VPS54: variants seen among roughly 807,000 people sequenced by gnomAD.
VPS54 encodes the protein vacuolar protein sorting-associated protein 54.
In VPS54, 45 loss-of-function variants were observed where a neutral mutation model predicts 121.5. That is an observed-to-expected ratio of 0.37 (90% confidence interval 0.29 to 0.47). VPS54 has a LOEUF of 0.47. VPS54 is among the 20% of genes least tolerant of loss of function. The pLI is 0.99. For missense variants in VPS54, 1,090 were observed against 1,131.4 expected (o/e 0.96, Z 0.52); for synonymous variants, 371 against 385.8 (o/e 0.96, Z 0.45).
At chr2:63,910,710 GTTAA>G (rs1472502293) in intron 20 of VPS54, among the ~76,000 whole-genome samples, 3 of 152,092 alleles carry the variant, frequency 2.0e-5, no homozygotes, top group East Asian at 3.8e-4. Flanking sequence ...TACATGGGAA[GTTAA>G]TTAAACAATT....
chr2:64,014,868 T>C (rs1333275659), intron 1 of VPS54, among the ~76,000 whole-genome samples: 2 of 152,220 alleles, frequency 1.3e-5, no homozygotes, highest in Non-Finnish European at 1.5e-5. Context: ...GGATGATAAA[T>C]AGCAAAAGTG....
intron 12 of VPS54, among the ~76,000 whole-genome samples, chr2:63,925,009 T>C (rs1216667386): frequency 6.6e-6 from 1 of 152,188 alleles, no homozygotes; most frequent in Non-Finnish European, 1.5e-5. Flanking sequence ...GAGAAAGATT[T>C]CTTAAACAGG....
intron 6 of VPS54, among the ~76,000 whole-genome samples, chr2:63,963,808 G>C (rs1394908892): frequency 6.6e-6 from 1 of 152,092 alleles, no homozygotes; most frequent in Non-Finnish European, 1.5e-5. Flanking sequence ...TCCCAGAATA[G>C]TAAATGGAGA....
At chr2:63,981,915 T>G (rs1676818432) in intron 2 of VPS54, 28 bp from the exon 3 acceptor site, 4 of 1,586,546 alleles carry the variant, frequency 2.5e-6, no homozygotes, top group Non-Finnish European at 3.4e-6. Flanking sequence ...GAGAACTCTG[T>G]AAATGCTGTA....
intron 1 of VPS54, among the ~76,000 whole-genome samples, chr2:64,005,227 C>T (rs1327914681): frequency 1.3e-5 from 2 of 149,444 alleles, no homozygotes; most frequent in East Asian, 2.0e-4. Flanking sequence ...CCTCAGCCTC[C>T]CGAGTAGCTG....
intron 7 of VPS54, among the ~76,000 whole-genome samples, chr2:63,953,052 C>G (rs1462245022): frequency 6.7e-6 from 1 of 148,602 alleles, no homozygotes; most frequent in Non-Finnish European, 1.5e-5. Flanking sequence ...AGCTATAGAG[C>G]AGTTTTTTTT....
intron 10 of VPS54, 113 bp from the exon 11 acceptor site, chr2:63,942,674 C>T: frequency 3.7e-6 from 3 of 809,184 alleles, no homozygotes; most frequent in Non-Finnish European, 5.7e-6. Flanking sequence ...AATGCAATTT[C>T]ATCTAGATAC....
rs150473633 is a variant in VPS54, at chr2:63,935,098, T to A, written c.1399-1085A>T. Among the ~76,000 whole-genome samples the A allele has an allele frequency of 2.5e-3, 380 of 152,280 alleles. 2 individuals carry two copies. The highest frequency in any genetic ancestry group is 9.0e-3 in the African/African-American group (375 of 41,572). ...AATCTGAGCTTAATTATTAGTAAGGTACATAGAAGAGAGAATTGCAAAGAA... is the reference window on the plus strand; with the variant it reads ...AATCTGAGCTTAATTATTAGTAAGGAACATAGAAGAGAGAATTGCAAAGAA... On this transcript the variant is annotated intron_variant, in intron 11 of 22. Transcript: ENST00000272322.
chr2:63,944,193 A>G (rs1369810052), intron 10 of VPS54, among the ~76,000 whole-genome samples: 1 of 152,020 alleles, frequency 6.6e-6, no homozygotes, highest in African/African-American at 2.4e-5. Context: ...AATTATCTCC[A>G]ATTTCACCTC....
intron 20 of VPS54, among the ~76,000 whole-genome samples, chr2:63,908,412 G>C (rs867292761): frequency 1.6e-4 from 25 of 152,208 alleles, no homozygotes; most frequent in African/African-American, 6.0e-4. Context: ...GCTGAGTATG[G>C]GGAGTGAACT....
chr2:63,924,075 G>A (rs549821574), intron 12 of VPS54, among the ~76,000 whole-genome samples: 1 of 152,310 alleles, frequency 6.6e-6, no homozygotes, highest in South Asian at 2.1e-4. Context: ...TGCAATTGGG[G>A]AAAGCCAGAG....
intron 4 of VPS54, among the ~76,000 whole-genome samples, chr2:63,970,718 C>CT (rs1276599091): frequency 1.3e-5 from 2 of 152,308 alleles, no homozygotes; most frequent in East Asian, 3.9e-4. Context: ...TCTTGGTTGA[C>CT]TTTCCTATCT....
chr2:63,905,796 T>G (rs1185714686), intron 20 of VPS54, among the ~76,000 whole-genome samples: 1 of 152,134 alleles, frequency 6.6e-6, no homozygotes, highest in Non-Finnish European at 1.5e-5. Flanking sequence ...AATCCTTAAG[T>G]AGGTTTATCC....
chr2:63,994,995 T>C (rs935052137), intron 1 of VPS54, among the ~76,000 whole-genome samples: 4 of 152,210 alleles, frequency 2.6e-5, no homozygotes, highest in African/African-American at 9.6e-5. Flanking sequence ...CTCATTCTTT[T>C]CCTTAAAATG....
At chr2:63,902,689 C>T (rs1159245315) in intron 20 of VPS54, among the ~76,000 whole-genome samples, 1 of 152,160 alleles carries the variant, frequency 6.6e-6, no homozygotes, top group Admixed American at 6.5e-5. Context: ...ACTGATTAGG[C>T]CGGGCACAGT....
At chr2:63,995,361 G>C (rs1029220576) in intron 1 of VPS54, among the ~76,000 whole-genome samples, 3 of 152,222 alleles carry the variant, frequency 2.0e-5, no homozygotes, top group Non-Finnish European at 4.4e-5. Context: ...TATAATGTTG[G>C]TTCGAGCTGG....
intron 5 of VPS54, among the ~76,000 whole-genome samples, chr2:63,966,168 A>C (rs1165378159): frequency 6.6e-6 from 1 of 152,210 alleles, no homozygotes; most frequent in Non-Finnish European, 1.5e-5. Flanking sequence ...TACTCATAAA[A>C]GATACAAAAT....
intron 7 of VPS54, among the ~76,000 whole-genome samples, chr2:63,949,639 A>G (rs992479): frequency 1 from 151,708 of 152,288 alleles, 75,572 homozygotes; most frequent in Middle Eastern, 1. Context: ...TCATCATAAA[A>G]GTTATCTTCA....
intron 20 of VPS54, among the ~76,000 whole-genome samples, chr2:63,911,877 A>G (rs1673164342): frequency 6.6e-6 from 1 of 152,228 alleles, no homozygotes; most frequent in Non-Finnish European, 1.5e-5. Context: ...GGGGCTGACT[A>G]AATGATATTT....
Sources: gnomAD v4.1 joint callset for allele counts (sites outside exome capture counted in the v4.1 genomes callset) on GRCh38, gnomAD v4.1.1 for gene constraint, MANE v1.5 for transcripts, NCBI Gene and HGNC (gene_info 2026-07-23, HGNC 2026-07-21) for gene names.